DOK6: variants seen among roughly 807,000 people sequenced by gnomAD.
The protein encoded by DOK6 is downstream of tyrosine kinase 6.
A neutral mutation model predicts 44.0 loss-of-function variants in DOK6; 22 were observed. That is an observed-to-expected ratio of 0.50 (90% CI 0.36 to 0.71). DOK6 has a LOEUF of 0.71. DOK6 is among the 30% of genes least tolerant of loss of function. The pLI, the probability that DOK6 is intolerant of heterozygous loss-of-function variation, is 0.00. For missense variants in DOK6, 340 were observed against 416.4 expected (o/e 0.82, Z 1.60); for synonymous variants, 166 against 145.5 (o/e 1.14, Z -1.01).
chr18:69,409,752 A>G (rs551946769), intron 1 of DOK6, among the ~76,000 whole-genome samples: 1 of 152,352 alleles, frequency 6.6e-6, no homozygotes, highest in East Asian at 1.9e-4. Context: ...CACCATGGCA[A>G]CCAGTAAATT....
chr18:69,691,434 TG>T (rs11361582), intron 4 of DOK6, among the ~76,000 whole-genome samples: 54,470 of 151,736 alleles, frequency 0.36, 9,929 homozygotes, highest in South Asian at 0.44. Flanking sequence ...TTGTAGAATT[TG>T]GGTTGTTTGT....
chr18:69,586,526 C>T (rs1346437422), intron 2 of DOK6, among the ~76,000 whole-genome samples: 2 of 152,170 alleles, frequency 1.3e-5, no homozygotes, highest in Admixed American at 6.5e-5. Context: ...GCAAGCCATT[C>T]CCTCTGAAAA....
rs1006469673 is a variant in DOK6 at position 69,845,581 on chromosome 18, A to T, written c.*4198A>T. The T allele has an allele frequency of 3.3e-5, 5 of 152,232 alleles. No homozygotes were observed. Among genetic ancestry groups the T allele is most frequent in the African/African-American group, 1.2e-4 (5 of 41,456 alleles). The allele number at this position is 152,232 out of a possible 1,614,324, so 9.4% of individuals were successfully genotyped here. ...AAGTGCAGTCTCCCATGGAGAGAATAGAGAGGCAGGATGGCAACTAGTCAT... is the reference window on the plus strand; with the variant it reads ...AAGTGCAGTCTCCCATGGAGAGAATTGAGAGGCAGGATGGCAACTAGTCAT... On this transcript the variant is annotated 3_prime_UTR_variant, in exon 8 of 8. Transcript: ENST00000382713.
chr18:69,754,286 G>A lies in DOK6; in HGVS notation c.739-3470G>A, dbSNP rs577902763. On this transcript the variant is annotated intron_variant, in intron 6 of 7. Transcript: ENST00000382713. ...GCAGAATTGCTTGAGCTTGGGAGGC[G>A]GAGATTGCAGTGAGCGAAGATTGCA... is the stretch of plus-strand genomic sequence containing the variant. Among the ~76,000 whole-genome samples, 34 of 149,566 alleles carry A rather than the reference G, an allele frequency of 2.3e-4. No homozygotes were observed. The South Asian group carries it at 5.9e-3, about 26-fold the overall frequency.
intron 3 of DOK6, among the ~76,000 whole-genome samples, chr18:69,603,456 C>G (rs1198864141): frequency 6.6e-6 from 1 of 152,066 alleles, no homozygotes; most frequent in Non-Finnish European, 1.5e-5. Flanking sequence ...TAGTCTCTTC[C>G]AAAGATTTCT....
chr18:69,495,434 G>C (rs900967914), intron 1 of DOK6, among the ~76,000 whole-genome samples: 1 of 152,226 alleles, frequency 6.6e-6, no homozygotes, highest in Non-Finnish European at 1.5e-5. Context: ...GAGCTTTACT[G>C]AGTGACAGAA....
rs184141856 is a variant in DOK6 at position 69,534,453 on chromosome 18, T to C, written c.67-30034T>C. On this transcript the variant is annotated intron_variant, in intron 1 of 7. Transcript: ENST00000382713. ...TTGTTTCCCATCTAAGAATTCCTTC[T>C]CAAGCCCAATGTAATACACTTATTA... Among the ~76,000 whole-genome samples the C allele has an allele frequency of 1.9e-3, 283 of 152,288 alleles. 1 individual carries two copies. Among genetic ancestry groups the C allele is most frequent in the African/African-American group, 6.7e-3 (277 of 41,576 alleles).
At chr18:69,504,180 TTAAAA>T (rs1981122327) in intron 1 of DOK6, among the ~76,000 whole-genome samples, 2 of 152,040 alleles carry the variant, frequency 1.3e-5, no homozygotes, top group African/African-American at 2.4e-5. Context: ...AGTAGGTAAC[TTAAAA>T]TAAAAGATAA....
chr18:69,768,616 G>A (rs573914593), intron 7 of DOK6, among the ~76,000 whole-genome samples: 16 of 148,480 alleles, frequency 1.1e-4, no homozygotes, highest in Middle Eastern at 3.4e-3. Context: ...TTTCCTCTGC[G>A]GGCCAAGCAG....
intron 1 of DOK6, among the ~76,000 whole-genome samples, chr18:69,523,789 C>T (rs566722692): frequency 6.6e-6 from 1 of 151,888 alleles, no homozygotes; most frequent in African/African-American, 2.4e-5. Context: ...TTGTCAGCAC[C>T]AATAATGTGT....
At chr18:69,599,864 A>G (rs1016848099) in intron 3 of DOK6, among the ~76,000 whole-genome samples, 1 of 152,344 alleles carries the variant, frequency 6.6e-6, no homozygotes, top group Non-Finnish European at 1.5e-5. Flanking sequence ...GTGCAAAAGC[A>G]TGGCAGAGCA....
At chr18:69,525,828 C>A (rs1209161589) in intron 1 of DOK6, among the ~76,000 whole-genome samples, 1 of 152,032 alleles carries the variant, frequency 6.6e-6, no homozygotes, top group Non-Finnish European at 1.5e-5. Flanking sequence ...ATGAAATATT[C>A]TATCCTTTAA....
At chr18:69,801,044 T>C (rs1279862334) in intron 7 of DOK6, among the ~76,000 whole-genome samples, 1 of 152,178 alleles carries the variant, frequency 6.6e-6, no homozygotes, top group Non-Finnish European at 1.5e-5. Flanking sequence ...TGTATTGGTA[T>C]TTGGGTATAA....
At chr18:69,586,972 T>G (rs1283544129) in intron 2 of DOK6, among the ~76,000 whole-genome samples, 1 of 152,104 alleles carries the variant, frequency 6.6e-6, no homozygotes, top group Non-Finnish European at 1.5e-5. Context: ...CAGGTGACAC[T>G]GAATAAGCAG....
chr18:69,596,156 C>T lies in DOK6; in HGVS notation c.175-3228C>T, dbSNP rs1384914315. ...ACATAGACACCTGGGAGGAGCCCATCTGGATTTAGAACCAATGTAAAACAA... is the reference window on the plus strand; with the variant it reads ...ACATAGACACCTGGGAGGAGCCCATTTGGATTTAGAACCAATGTAAAACAA... On this transcript the variant is annotated intron_variant, in intron 2 of 7. Transcript: ENST00000382713. Among the ~76,000 whole-genome samples, 7 of 152,294 alleles carry T rather than the reference C, an allele frequency of 4.6e-5. No individual in the cohort carries two copies. In the East Asian group the frequency reaches 1.4e-3, roughly 29 times the overall value.
chr18:69,799,390 G>A (rs867941009), intron 7 of DOK6, among the ~76,000 whole-genome samples: 1 of 151,668 alleles, frequency 6.6e-6, no homozygotes, highest in South Asian at 2.1e-4. Flanking sequence ...ATCTTGACTC[G>A]TCTTTAACCT....
chr18:69,572,245 C>A (rs564182959), intron 2 of DOK6, among the ~76,000 whole-genome samples: 1 of 152,022 alleles, frequency 6.6e-6, no homozygotes, highest in Non-Finnish European at 1.5e-5. Flanking sequence ...TGTGTAAAAA[C>A]GGACAGGACT....
At chr18:69,743,415 A>T (rs1428481979) in intron 6 of DOK6, among the ~76,000 whole-genome samples, 1 of 152,194 alleles carries the variant, frequency 6.6e-6, no homozygotes, top group Non-Finnish European at 1.5e-5. Flanking sequence ...GAAGCCACTC[A>T]TCAGAAACTG....
chr18:69,791,656 C>A (rs2145097898), intron 7 of DOK6, among the ~76,000 whole-genome samples: 1 of 151,982 alleles, frequency 6.6e-6, no homozygotes, highest in Non-Finnish European at 1.5e-5. Context: ...GGTTATTATC[C>A]CTTATTGGAT....
Sources: gnomAD v4.1 joint callset for allele counts (sites outside exome capture counted in the v4.1 genomes callset) on GRCh38, gnomAD v4.1.1 for gene constraint, MANE v1.5 for transcripts, NCBI Gene and HGNC (gene_info 2026-07-23, HGNC 2026-07-21) for gene names.